Variants in CRKL observed in about 807,000 individuals in gnomAD.
CRKL encodes crk-like protein.
Under a neutral mutation model 23.0 loss-of-function variants are expected in CRKL, and 3 were observed. That is an observed-to-expected ratio of 0.13 (90% confidence interval 0.06 to 0.34). CRKL has a LOEUF of 0.34. Ranked by LOEUF, CRKL falls within the 10% of genes least tolerant of loss-of-function variation. The pLI is 1.00. For synonymous variants in CRKL, 188 were observed against 160.7 expected, an observed-to-expected ratio of 1.17 and a Z score of -1.28; for missense variants, 256 against 394.5, an observed-to-expected ratio of 0.65 and a Z score of 2.97.
chr22:20,935,235 C>T (rs1339638584), intron 2 of CRKL, among the ~76,000 whole-genome samples: 1 of 152,184 alleles, frequency 6.6e-6, no homozygotes, highest in Non-Finnish European at 1.5e-5. Context: ...GCCTCAGCCT[C>T]CTTAGTAGCT....
intron 2 of CRKL, among the ~76,000 whole-genome samples, chr22:20,946,841 G>A (rs1360407030): frequency 6.6e-6 from 1 of 152,146 alleles, no homozygotes; most frequent in African/African-American, 2.4e-5. Flanking sequence ...GAGGGAAACG[G>A]CAAGATGGCT....
In CRKL at chr22:20,951,495, A is replaced by G. The variant is rs957225698; in HGVS notation, c.*1650A>G. ...ATCCATCATCTGCTGCACATAGCAGACTAGAATTCTGGGAACCCTGTGCAA... is the reference window on the plus strand; with the variant it reads ...ATCCATCATCTGCTGCACATAGCAGGCTAGAATTCTGGGAACCCTGTGCAA... On this transcript the variant is annotated 3_prime_UTR_variant, in exon 3 of 3. Coordinates refer to ENST00000354336, the MANE Select transcript of CRKL (RefSeq NM_005207.4). The G allele has an allele frequency of 1.8e-5, 4 of 228,082 alleles. No individual in the cohort carries two copies. The highest frequency in any genetic ancestry group is 3.5e-5 in the Non-Finnish European group (4 of 114,984). 14.1% of individuals were successfully genotyped at this position (228,082 alleles called of 1,614,324 possible).
rs149555262 is a variant in CRKL at position 20,951,245 on chromosome 22, C to G, written c.*1400C>G. 1 of 232,660 alleles carries G rather than the reference C, an allele frequency of 4.3e-6. No individual in the cohort carries two copies. Among genetic ancestry groups the G allele is most frequent in the East Asian group, 6.1e-5 (1 of 16,490 alleles). The allele number at this position is 232,660 out of a possible 1,614,324, so 14.4% of individuals were successfully genotyped here. On this transcript the variant is annotated 3_prime_UTR_variant, in exon 3 of 3. Transcript: ENST00000354336. ...GCTGCCAGAGAAAGTTGGTGCTGCT[C>G]ATACTGGTCTCACAGTCTAAGTAAG...
Sources: allele counts gnomAD v4.1 joint callset (sites outside exome capture counted in the v4.1 genomes callset), GRCh38; gene constraint gnomAD v4.1.1; transcripts MANE v1.5; gene names NCBI Gene and HGNC (gene_info 2026-07-23, HGNC 2026-07-21).